Variants in ADGRL3 observed in about 807,000 individuals in gnomAD.
ADGRL3 encodes calcium-independent alpha-latrotoxin receptor 3.
Under a neutral mutation model 153.5 loss-of-function variants are expected in ADGRL3, and 62 were observed. That is an observed-to-expected ratio of 0.40 (90% CI 0.33 to 0.50). ADGRL3 has a LOEUF of 0.50. Among genes scored for constraint, ADGRL3 ranks in the 20% least tolerant of loss-of-function variants. ADGRL3 has a pLI of 0.47. For synonymous variants in ADGRL3, 710 were observed against 672.5 expected, an observed-to-expected ratio of 1.06 and a Z score of -0.86; for missense variants, 1,641 against 1,859.4, an observed-to-expected ratio of 0.88 and a Z score of 2.16.
At chr4:61,654,514 A>T (rs2094383456) in intron 5 of ADGRL3, among the ~76,000 whole-genome samples, 1 of 151,982 alleles carries the variant, frequency 6.6e-6, no homozygotes, top group Non-Finnish European at 1.5e-5. Flanking sequence ...TGTACTTTTT[A>T]GAATTGTATT....
intron 2 of ADGRL3, among the ~76,000 whole-genome samples, chr4:61,397,314 G>A (rs990840572): frequency 3.8e-4 from 57 of 151,856 alleles, no homozygotes; most frequent in African/African-American, 1.3e-3. Flanking sequence ...TCCATTTACA[G>A]AAAAAGAAAT....
At chr4:62,043,294 G>T (rs1249957092) in intron 24 of ADGRL3, among the ~76,000 whole-genome samples, 1 of 151,924 alleles carries the variant, frequency 6.6e-6, no homozygotes, top group Non-Finnish European at 1.5e-5. Flanking sequence ...TTAGTATTTG[G>T]CAGGCAATAG....
At chr4:61,891,275 T>C (rs1003872051) in intron 9 of ADGRL3, among the ~76,000 whole-genome samples, 2 of 152,098 alleles carry the variant, frequency 1.3e-5, no homozygotes, top group African/African-American at 4.8e-5. Flanking sequence ...ATTTGGGAGA[T>C]ATAGTATATG....
chr4:61,799,997 A>G (rs967462372), intron 8 of ADGRL3, among the ~76,000 whole-genome samples: 22 of 152,186 alleles, frequency 1.4e-4, no homozygotes, highest in Admixed American at 2.6e-4. Context: ...TGTAACTGCA[A>G]TTAGCGCACA....
chr4:61,915,320 A>C (rs903857246), intron 13 of ADGRL3, among the ~76,000 whole-genome samples: 25 of 148,788 alleles, frequency 1.7e-4, no homozygotes, highest in African/African-American at 5.9e-4. Context: ...ATATATATCA[A>C]TATATATCTA....
intron 8 of ADGRL3, among the ~76,000 whole-genome samples, chr4:61,743,949 C>T (rs2096617649): frequency 6.6e-6 from 1 of 152,196 alleles, no homozygotes; most frequent in South Asian, 2.1e-4. Flanking sequence ...AGGGACTTCC[C>T]TTTCCTAGTC....
At chr4:61,952,250 G>A (rs759908750) in intron 17 of ADGRL3, among the ~76,000 whole-genome samples, 1 of 152,074 alleles carries the variant, frequency 6.6e-6, no homozygotes, top group Admixed American at 6.5e-5. Context: ...GCTGAGGCGG[G>A]CAGATCACTT....
At chr4:61,457,602 C>G (rs1378670018) in intron 2 of ADGRL3, among the ~76,000 whole-genome samples, 5 of 151,750 alleles carry the variant, frequency 3.3e-5, no homozygotes, top group Non-Finnish European at 7.4e-5. Context: ...CATTTTTAAT[C>G]CCTCCTGACT....
At chr4:61,813,537 A>T (rs533643829) in intron 8 of ADGRL3, among the ~76,000 whole-genome samples, 1 of 151,978 alleles carries the variant, frequency 6.6e-6, no homozygotes, top group South Asian at 2.1e-4. Context: ...ACTCATTTTT[A>T]TTGTGTTTTT....
At chr4:61,237,071 A>G (rs1226570046) in intron 1 of ADGRL3, among the ~76,000 whole-genome samples, 1 of 152,068 alleles carries the variant, frequency 6.6e-6, no homozygotes, top group Non-Finnish European at 1.5e-5. Flanking sequence ...ATATTTTTAT[A>G]TTTTACATTA....
intron 1 of ADGRL3, among the ~76,000 whole-genome samples, chr4:61,377,753 T>A (rs915907457): frequency 2.0e-5 from 3 of 151,990 alleles, no homozygotes; most frequent in Non-Finnish European, 2.9e-5. Context: ...AGCTCACTCT[T>A]CTTTTTCTCT....
chr4:61,275,748 T>G (rs140928422), intron 1 of ADGRL3, among the ~76,000 whole-genome samples: 143 of 152,304 alleles, frequency 9.4e-4, no homozygotes, highest in African/African-American at 3.2e-3. Context: ...GTGTGAACCA[T>G]GTCTAGACAG....
At chr4:62,006,577 ATTTTTT>A (rs34336604) in intron 21 of ADGRL3, among the ~76,000 whole-genome samples, 3 of 130,786 alleles carry the variant, frequency 2.3e-5, no homozygotes, top group African/African-American at 8.5e-5. Context: ...CAATGTATAG[ATTTTTT>A]TTTTTTTTTT....
intron 6 of ADGRL3, among the ~76,000 whole-genome samples, chr4:61,690,235 A>C (rs2095515607): frequency 6.6e-6 from 1 of 152,132 alleles, no homozygotes; most frequent in Non-Finnish European, 1.5e-5. Flanking sequence ...GCTTGAGCTC[A>C]GGAGTTCAAG....
intron 19 of ADGRL3, among the ~76,000 whole-genome samples, chr4:61,986,840 C>T (rs973251632): frequency 6.6e-5 from 10 of 152,066 alleles, no homozygotes; most frequent in South Asian, 2.1e-4. Flanking sequence ...TCTACTTTTT[C>T]GGAATTCATG....
chr4:61,587,515 A>C, intron 5 of ADGRL3, 75 bp downstream of exon 5: 1 of 1,083,224 alleles, frequency 9.2e-7, no homozygotes, highest in Non-Finnish European at 1.3e-6. Context: ...CATGTTAAGC[A>C]TAAGAACATA....
Position 61,647,427 on chromosome 4 carries a change from A to G in ADGRL3, c.474-29399A>G, listed in dbSNP as rs1291130518. ...CAGTAGAACTAGGGTTTGTCCCCATATCTGAGTACCTGTTTTTTCACACAT... is the reference window on the plus strand; with the variant it reads ...CAGTAGAACTAGGGTTTGTCCCCATGTCTGAGTACCTGTTTTTTCACACAT... On this transcript the variant is annotated intron_variant, in intron 5 of 26. Coordinates refer to ENST00000683033, the MANE Select transcript of ADGRL3 (RefSeq NM_001387552.1). Among the ~76,000 whole-genome samples the G allele has an allele frequency of 6.6e-5, 10 of 152,288 alleles. No homozygotes were observed. In the East Asian group the frequency reaches 1.5e-3, roughly 24 times the overall value.
intron 1 of ADGRL3, among the ~76,000 whole-genome samples, chr4:61,260,418 C>T (rs2092414517): frequency 6.6e-6 from 1 of 152,158 alleles, no homozygotes; most frequent in African/African-American, 2.4e-5. Flanking sequence ...TAGTGTAGTG[C>T]AGTTTATGCC....
intron 8 of ADGRL3, among the ~76,000 whole-genome samples, chr4:61,742,248 TTTA>T (rs747149039): frequency 6.6e-6 from 1 of 152,018 alleles, no homozygotes; most frequent in Non-Finnish European, 1.5e-5. Flanking sequence ...TTTTTAACCT[TTTA>T]TTATTATTAT....
Sources: allele counts gnomAD v4.1 joint callset (sites outside exome capture counted in the v4.1 genomes callset), GRCh38; gene constraint gnomAD v4.1.1; transcripts MANE v1.5; gene names NCBI Gene and HGNC (gene_info 2026-07-23, HGNC 2026-07-21).